FER: variants seen among roughly 807,000 people sequenced by gnomAD.
FER encodes FER tyrosine kinase.
In FER, 63 loss-of-function variants were observed where a neutral mutation model predicts 111.0. The observed-to-expected ratio is 0.57, with a 90% CI of 0.46 to 0.70. The LOEUF (loss-of-function observed/expected upper bound fraction) is 0.70. Ranked by LOEUF, FER falls within the 30% of genes least tolerant of loss-of-function variation. The probability of loss-of-function intolerance (pLI) is 0.00; values close to 1 mark genes in which losing one functional copy is unlikely to be tolerated. For missense variants in FER, 914 were observed against 954.0 expected, an observed-to-expected ratio of 0.96 and a Z score of 0.55; for synonymous variants, 327 against 313.9, an observed-to-expected ratio of 1.04 and a Z score of -0.44.
At chr5:109,070,768 A>T (rs1474891028) in intron 16 of FER, among the ~76,000 whole-genome samples, 1 of 152,044 alleles carries the variant, frequency 6.6e-6, no homozygotes, top group Non-Finnish European at 1.5e-5. Context: ...AAAAAGGACA[A>T]ATTTAGAAAT....
chr5:109,065,352 A>G (rs1250109618), intron 16 of FER, among the ~76,000 whole-genome samples: 1 of 152,196 alleles, frequency 6.6e-6, no homozygotes, highest in Non-Finnish European at 1.5e-5. Context: ...CTGATGTACC[A>G]TATATATTCA....
rs1032201453 is a variant in FER, at chr5:109,123,758, C to A, written c.2048+23239C>A. Among the ~76,000 whole-genome samples the A allele has an allele frequency of 3.3e-5, 5 of 152,100 alleles. No homozygotes were observed. The East Asian group carries it at 7.7e-4, about 23-fold the overall frequency. ...TTATCGATCAGACTGAAATTTAATT[C>A]TATAATCAGTGACTGCTGGGCAAAA... is the stretch of plus-strand genomic sequence containing the variant. On this transcript the variant is annotated intron_variant, in intron 17 of 19. Transcript: ENST00000281092.
At chr5:108,848,198 A>C (rs1424345900) in intron 5 of FER, among the ~76,000 whole-genome samples, 2 of 152,082 alleles carry the variant, frequency 1.3e-5, no homozygotes, top group Non-Finnish European at 2.9e-5. Context: ...TTCTTTTTTC[A>C]TACTTTAACC....
At chr5:108,955,358 A>G (rs1049808420) in intron 12 of FER, among the ~76,000 whole-genome samples, 2 of 151,800 alleles carry the variant, frequency 1.3e-5, no homozygotes, top group African/African-American at 4.8e-5. Flanking sequence ...ATTTTATTCA[A>G]TAGTAATAAT....
At chr5:108,787,694 G>T (rs1754896155) in intron 2 of FER, among the ~76,000 whole-genome samples, 1 of 152,174 alleles carries the variant, frequency 6.6e-6, no homozygotes, top group Non-Finnish European at 1.5e-5. Flanking sequence ...GCAGAAAGGA[G>T]CTACCCACTA....
At chr5:109,008,940 A>G (rs565364082) in intron 13 of FER, among the ~76,000 whole-genome samples, 1 of 152,186 alleles carries the variant, frequency 6.6e-6, no homozygotes, top group South Asian at 2.1e-4. Context: ...GTTGCACTCT[A>G]GCCTGGGCAA....
At chr5:108,984,351 T>G (rs1762335885) in intron 13 of FER, among the ~76,000 whole-genome samples, 1 of 152,016 alleles carries the variant, frequency 6.6e-6, no homozygotes, top group South Asian at 2.1e-4. Context: ...GCTCAGAAGA[T>G]ATAAATATAA....
intron 13 of FER, among the ~76,000 whole-genome samples, chr5:109,017,351 T>A (rs1767287334): frequency 6.6e-6 from 1 of 152,016 alleles, no homozygotes; most frequent in Admixed American, 6.6e-5. Flanking sequence ...AGTATTTTAT[T>A]TCATACATTA....
intron 3 of FER, among the ~76,000 whole-genome samples, chr5:108,807,530 C>T (rs1757329605): frequency 6.6e-6 from 1 of 152,124 alleles, no homozygotes; most frequent in Non-Finnish European, 1.5e-5. Context: ...GTTGGTCTAG[C>T]TAGTGGTCTA....
chr5:109,129,636 A>T (rs1330180924), intron 17 of FER, among the ~76,000 whole-genome samples: 1 of 152,082 alleles, frequency 6.6e-6, no homozygotes, highest in African/African-American at 2.4e-5. Flanking sequence ...ACAAAATAAA[A>T]CAAATATAAA....
intron 5 of FER, among the ~76,000 whole-genome samples, chr5:108,850,648 T>G (rs1316946926): frequency 2.0e-5 from 3 of 152,218 alleles, no homozygotes; most frequent in Non-Finnish European, 4.4e-5. Context: ...TTTTTATTTT[T>G]TTTCTTGTCA....
intron 13 of FER, among the ~76,000 whole-genome samples, chr5:109,020,500 G>A (rs900436940): frequency 6.6e-6 from 1 of 151,884 alleles, no homozygotes; most frequent in Non-Finnish European, 1.5e-5. Context: ...TCATTAACTT[G>A]TAAGATTGAG....
intron 17 of FER, among the ~76,000 whole-genome samples, chr5:109,120,856 G>A (rs1023579301): frequency 6.6e-6 from 1 of 151,944 alleles, no homozygotes; most frequent in African/African-American, 2.4e-5. Flanking sequence ...ATCTGTAGCT[G>A]TTGTAAATGA....
At chr5:109,049,612 A>C (rs1772467634) in intron 16 of FER, among the ~76,000 whole-genome samples, 1 of 151,778 alleles carries the variant, frequency 6.6e-6, no homozygotes, top group Non-Finnish European at 1.5e-5. Context: ...AATAAAGAAC[A>C]CTCTCCAGAA....
At chr5:108,803,073 A>G (rs1756848400) in intron 3 of FER, among the ~76,000 whole-genome samples, 1 of 151,934 alleles carries the variant, frequency 6.6e-6, no homozygotes, top group African/African-American at 2.4e-5. Flanking sequence ...TGTGGTCTTG[A>G]TTTGCATTTA....
intron 17 of FER, among the ~76,000 whole-genome samples, chr5:109,174,117 T>A (rs1757437902): frequency 6.6e-6 from 1 of 152,128 alleles, no homozygotes; most frequent in African/African-American, 2.4e-5. Flanking sequence ...ATAAGTGCCC[T>A]GTTAGTAATG....
chr5:108,759,074 C>A (rs1323599032), intron 1 of FER, among the ~76,000 whole-genome samples: 1 of 152,190 alleles, frequency 6.6e-6, no homozygotes, highest in Admixed American at 6.5e-5. Context: ...TCTGTTTGAA[C>A]AGACTGTCTT....
chr5:108,881,564 A>G (rs563503528), intron 8 of FER, among the ~76,000 whole-genome samples: 3 of 152,272 alleles, frequency 2.0e-5, no homozygotes, highest in African/African-American at 7.2e-5. Flanking sequence ...ACAAATTACC[A>G]TAGGCTGGAT....
chr5:109,130,022 ATAGTT>A (rs1388321947), intron 17 of FER, among the ~76,000 whole-genome samples: 1 of 151,692 alleles, frequency 6.6e-6, no homozygotes, highest in Non-Finnish European at 1.5e-5. Flanking sequence ...TTATACATGA[ATAGTT>A]TAGAAGGACA....
Sources: gnomAD v4.1 joint callset for allele counts (sites outside exome capture counted in the v4.1 genomes callset) on GRCh38, gnomAD v4.1.1 for gene constraint, MANE v1.5 for transcripts, NCBI Gene and HGNC (gene_info 2026-07-23, HGNC 2026-07-21) for gene names.